The following ZNF521 variants were observed in gnomAD, a reference collection of about 807,000 sequenced individuals.
The protein encoded by ZNF521 is LYST-interacting protein 3.
A neutral mutation model predicts 105.5 loss-of-function variants in ZNF521; 14 were observed. The ratio of observed to expected loss-of-function variants is 0.13; its 90% CI spans 0.09 to 0.21. The LOEUF is 0.21. Ranked by LOEUF, ZNF521 falls within the 10% of genes least tolerant of loss-of-function variation. The pLI is 1.00. For synonymous variants in ZNF521, 635 were observed against 606.0 expected, an observed-to-expected ratio of 1.05 and a Z score of -0.70; for missense variants, 1,233 against 1,629.7, an observed-to-expected ratio of 0.76 and a Z score of 4.19.
intron 5 of ZNF521, among the ~76,000 whole-genome samples, chr18:25,140,375 G>A (rs1415913389): frequency 6.6e-6 from 1 of 152,174 alleles, no homozygotes; most frequent in Non-Finnish European, 1.5e-5. Context: ...CAGAGAAAAC[G>A]TGAACTTTTT....
intron 2 of ZNF521, among the ~76,000 whole-genome samples, chr18:25,342,289 T>C (rs1326690377): frequency 6.6e-6 from 1 of 152,166 alleles, no homozygotes; most frequent in African/African-American, 2.4e-5. Context: ...CCCCCCTATG[T>C]ATAGGAACTT....
At chr18:25,113,284 A>G (rs2034232143) in intron 5 of ZNF521, among the ~76,000 whole-genome samples, 1 of 152,096 alleles carries the variant, frequency 6.6e-6, no homozygotes, top group African/African-American at 2.4e-5. Flanking sequence ...CAGTCTCTGT[A>G]TCTAGTTACA....
chr18:25,199,645 T>C (rs1401979358), intron 4 of ZNF521, among the ~76,000 whole-genome samples: 1 of 152,050 alleles, frequency 6.6e-6, no homozygotes, highest in Admixed American at 6.6e-5. Flanking sequence ...TTAACCATCA[T>C]AAAATCTAGG....
chr18:25,101,877 C>T (rs908481843), intron 5 of ZNF521, among the ~76,000 whole-genome samples: 6 of 152,162 alleles, frequency 3.9e-5, no homozygotes, highest in South Asian at 2.1e-4. Flanking sequence ...AATTTCTTTA[C>T]AGCCAAGTGG....
chr18:25,089,782 A>G lies in ZNF521; in HGVS notation c.3791-202T>C, dbSNP rs2033705108. On this transcript the variant is annotated intron_variant, in intron 6 of 7. Transcript: ENST00000361524. ...TAAGATGCACTCTACGGAGCACCTA[A>G]TTCAACCCAAACAGCTCCAAAGTAA... 2.0e-5 allele frequency among the ~76,000 whole-genome samples: 3 copies of G among 152,080 alleles called. No homozygotes were observed. In the South Asian group the frequency reaches 6.2e-4, roughly 32 times the overall value.
At chr18:25,156,870 A>G (rs1402428327) in intron 5 of ZNF521, among the ~76,000 whole-genome samples, 2 of 152,226 alleles carry the variant, frequency 1.3e-5, no homozygotes, top group African/African-American at 4.8e-5. Context: ...ACCAATTTTT[A>G]GTGGACATGA....
At chr18:25,198,100 T>G (rs1323819895) in intron 4 of ZNF521, among the ~76,000 whole-genome samples, 1 of 151,962 alleles carries the variant, frequency 6.6e-6, no homozygotes, top group Non-Finnish European at 1.5e-5. Flanking sequence ...CTTGAAATGC[T>G]AATTTAGTAC....
intron 2 of ZNF521, among the ~76,000 whole-genome samples, chr18:25,325,077 G>C (rs1296101430): frequency 6.6e-6 from 1 of 152,214 alleles, no homozygotes; most frequent in African/African-American, 2.4e-5. Context: ...ACACTTAAGA[G>C]GGACCCTCTG....
chr18:25,125,816 T>C (rs2034529392), intron 5 of ZNF521, among the ~76,000 whole-genome samples: 1 of 152,118 alleles, frequency 6.6e-6, no homozygotes, highest in African/African-American at 2.4e-5. Flanking sequence ...TGCTATCCAG[T>C]AGTGGCTGGC....
chr18:25,237,082 A>G (rs1334672452), intron 3 of ZNF521, among the ~76,000 whole-genome samples: 1 of 152,126 alleles, frequency 6.6e-6, no homozygotes, highest in Non-Finnish European at 1.5e-5. Flanking sequence ...GAATATGATG[A>G]TAACATCCAA....
At chr18:25,229,675 C>T (rs1416254150) in intron 3 of ZNF521, among the ~76,000 whole-genome samples, 1 of 151,966 alleles carries the variant, frequency 6.6e-6, no homozygotes, top group Non-Finnish European at 1.5e-5. Context: ...AAAAAAAGGC[C>T]ATCTATTAAA....
At chr18:25,349,705 G>A (rs553548862) in intron 2 of ZNF521, among the ~76,000 whole-genome samples, 4 of 151,648 alleles carry the variant, frequency 2.6e-5, no homozygotes, top group East Asian at 2.0e-4. Context: ...GCCGCGGCCC[G>A]GCAGCCAGGA....
intron 3 of ZNF521, among the ~76,000 whole-genome samples, chr18:25,319,194 C>T (rs1410927506): frequency 6.6e-6 from 1 of 152,024 alleles, no homozygotes; most frequent in Non-Finnish European, 1.5e-5. Flanking sequence ...AAAATAAAAA[C>T]CCAAGAGATG....
chr18:25,286,421 A>C (rs778293715), intron 3 of ZNF521, among the ~76,000 whole-genome samples: 20 of 152,204 alleles, frequency 1.3e-4, no homozygotes, highest in Non-Finnish European at 1.6e-4. Context: ...GCATAAAATG[A>C]CAAGATTTGC....
intron 4 of ZNF521, among the ~76,000 whole-genome samples, chr18:25,203,665 A>G (rs530557904): frequency 4.5e-4 from 68 of 152,128 alleles, no homozygotes; most frequent in Non-Finnish European, 9.0e-4. Context: ...AAATAGAAAG[A>G]CAATTCAGAA....
chr18:25,063,211 T>C (rs1002770709), intron 7 of ZNF521, among the ~76,000 whole-genome samples: 1 of 152,212 alleles, frequency 6.6e-6, no homozygotes, highest in Non-Finnish European at 1.5e-5. Flanking sequence ...TGGTTACATA[T>C]GCCTCTGTTC....
At chr18:25,347,257 C>T (rs1252042220) in intron 2 of ZNF521, among the ~76,000 whole-genome samples, 1 of 152,072 alleles carries the variant, frequency 6.6e-6, no homozygotes, top group Non-Finnish European at 1.5e-5. Flanking sequence ...GAAAGAGTGA[C>T]TCATTTAATT....
chr18:25,228,229 C>T lies in ZNF521; in HGVS notation c.221-532G>A, dbSNP rs577248274. ...CAATTCTGCAGACCAAAATCTGTTACGGGGTTCTTATTGATACAGACCTTA... is the reference window on the plus strand; with the variant it reads ...CAATTCTGCAGACCAAAATCTGTTATGGGGTTCTTATTGATACAGACCTTA... On this transcript the variant is annotated intron_variant, in intron 3 of 7. Transcript: ENST00000361524. Among the ~76,000 whole-genome samples, 6 of 152,208 alleles carry T rather than the reference C, an allele frequency of 3.9e-5. No homozygotes were observed. In the East Asian group the frequency reaches 5.8e-4, roughly 15 times the overall value.
In ZNF521 at chr18:25,171,718, A is replaced by C. The variant is rs533500946; in HGVS notation, c.3658+23442T>G. ...TGCACTGTAATAATAAAATGGGGCA[A>C]CATAAGGCTCTTTACTGATATAGGG... On this transcript the variant is annotated intron_variant, in intron 5 of 7. Coordinates refer to ENST00000361524, the MANE Select transcript of ZNF521 (RefSeq NM_015461.3). Among the ~76,000 whole-genome samples, 160 of 152,262 alleles carry C rather than the reference A, an allele frequency of 1.1e-3. 1 individual carries two copies. The highest frequency in any genetic ancestry group is 1.9e-3 in the Non-Finnish European group (130 of 67,972).
Sources: allele counts gnomAD v4.1 joint callset (sites outside exome capture counted in the v4.1 genomes callset), GRCh38; gene constraint gnomAD v4.1.1; transcripts MANE v1.5; gene names NCBI Gene and HGNC (gene_info 2026-07-23, HGNC 2026-07-21).